The following TSPAN9 variants were observed in gnomAD, a reference collection of about 807,000 sequenced individuals.
TSPAN9 encodes the protein tetraspanin-9.
Under a neutral mutation model 31.0 loss-of-function variants are expected in TSPAN9, and 16 were observed. The observed-to-expected ratio is 0.52, with a 90% CI of 0.35 to 0.78. TSPAN9 has a LOEUF of 0.78. Ranked by LOEUF, TSPAN9 falls within the 30% of genes least tolerant of loss-of-function variation. The pLI, the probability that TSPAN9 is intolerant of heterozygous loss-of-function variation, is 0.01. For missense variants in TSPAN9, 272 were observed against 312.5 expected (o/e 0.87, Z 0.98); for synonymous variants, 145 against 121.6 (o/e 1.19, Z -1.27).
At chr12:3,188,772 ACTCCAGAGAGGGC>A (rs750779894) in intron 2 of TSPAN9, among the ~76,000 whole-genome samples, 1 of 151,952 alleles carries the variant, frequency 6.6e-6, no homozygotes, top group Non-Finnish European at 1.5e-5. Context: ...CTGGTGGGTG[ACTCCAGAGAGGGC>A]CTCCAGAGAG....
intron 2 of TSPAN9, among the ~76,000 whole-genome samples, chr12:3,186,576 G>GTA (rs1555149382): frequency 2.1e-5 from 3 of 146,254 alleles, no homozygotes; most frequent in African/African-American, 7.5e-5. Flanking sequence ...GTGTGTGTGT[G>GTA]TATACACACA....
At chr12:3,237,878 G>T (rs974689193) in intron 3 of TSPAN9, among the ~76,000 whole-genome samples, 13 of 152,172 alleles carry the variant, frequency 8.5e-5, no homozygotes, top group African/African-American at 3.1e-4. Flanking sequence ...CATTTCCCTG[G>T]TGTGAATTTT....
rs533080253 is a variant in TSPAN9 at position 3,105,915 on chromosome 12, T to A, written c.-18+22196T>A. Among the ~76,000 whole-genome samples the A allele has an allele frequency of 3.3e-5, 5 of 151,538 alleles. No individual in the cohort carries two copies. In the South Asian group the frequency reaches 1.0e-3, roughly 32 times the overall value. Reference sequence around the variant, plus strand: ...GGTCACGGGCACTCATGTTCTCAGGTGTGCTTGGTCCCATCCACACTCATC... The same window carrying A: ...GGTCACGGGCACTCATGTTCTCAGGAGTGCTTGGTCCCATCCACACTCATC... On this transcript the variant is annotated intron_variant, in intron 2 of 8. Coordinates refer to ENST00000011898, the MANE Select transcript of TSPAN9 (RefSeq NM_006675.5).
At chr12:3,196,215 T>C (rs980407263) in intron 2 of TSPAN9, among the ~76,000 whole-genome samples, 1 of 152,282 alleles carries the variant, frequency 6.6e-6, no homozygotes. Flanking sequence ...CCCCCTAAGA[T>C]AGGACTAGAT....
Position 3,172,215 on chromosome 12 carries a change from T to TCCC in TSPAN9, c.-17-28959_-17-28957dup, listed in dbSNP as rs976003101. 1 of 152,184 alleles carries TCCC rather than the reference T, an allele frequency of 6.6e-6. No homozygotes were observed. Among genetic ancestry groups the TCCC allele is most frequent in the East Asian group, 1.9e-4 (1 of 5,180 alleles). 9.4% of individuals were successfully genotyped at this position (152,184 alleles called of 1,614,324 possible). A position where few individuals can be genotyped will look rare whatever the true frequency, so the allele number is the denominator to read the frequency against. ...CAAAGCAGGATCCATCCGTCACCCT[T>TCCC]CCCCCGCCCCCACCCCAGCCTCAGC... On this transcript the variant is annotated intron_variant, in intron 2 of 8. Coordinates refer to ENST00000011898, the MANE Select transcript of TSPAN9 (RefSeq NM_006675.5). This position sits in a 1 kb window ranked among gnomAD's most constrained non-coding sequence, Gnocchi z 4.8.
chr12:3,136,844 G>A (rs1426970380), intron 2 of TSPAN9, among the ~76,000 whole-genome samples: 1 of 144,380 alleles, frequency 6.9e-6, no homozygotes, highest in Non-Finnish European at 1.5e-5. Context: ...AGGCAGGGGT[G>A]GGGGGCACAT....
Position 3,246,604 on chromosome 12 carries a change from C to G in TSPAN9, c.64-31817C>G, listed in dbSNP as rs1350110754. Among the ~76,000 whole-genome samples the G allele has an allele frequency of 2.0e-5, 3 of 152,186 alleles. No individual in the cohort carries two copies. The East Asian group carries it at 5.8e-4, about 29-fold the overall frequency. ...TCCCTCAGTGCCAGGGAACAGTAGCCCAATTGTTCCAAACCCGTGTTCTCT... is the reference window on the plus strand; with the variant it reads ...TCCCTCAGTGCCAGGGAACAGTAGCGCAATTGTTCCAAACCCGTGTTCTCT... On this transcript the variant is annotated intron_variant, in intron 3 of 8. Transcript: ENST00000011898.
rs374410086 is a variant in TSPAN9, at chr12:3,131,582, G to A, written c.-18+47863G>A. 4.5e-4 allele frequency among the ~76,000 whole-genome samples: 69 copies of A among 152,300 alleles called. No individual in the cohort carries two copies. In the South Asian group the frequency reaches 7.3e-3, roughly 16 times the overall value. On this transcript the variant is annotated intron_variant, in intron 2 of 8. Transcript: ENST00000011898. ...AGCTTCTGGCCTGACCGTGGCAGGT[G>A]TGCAGGGAATGCTGGCTGTGATGTG...
intron 3 of TSPAN9, among the ~76,000 whole-genome samples, chr12:3,203,193 C>T (rs1032027562): frequency 1.3e-5 from 2 of 152,052 alleles, no homozygotes; most frequent in African/African-American, 4.8e-5. Flanking sequence ...TAACTGCCTG[C>T]GGTGCCTTTC....
intron 3 of TSPAN9, among the ~76,000 whole-genome samples, chr12:3,232,091 T>C (rs1209309531): frequency 1.3e-5 from 2 of 152,330 alleles, no homozygotes; most frequent in East Asian, 1.9e-4. Flanking sequence ...ATTTTTCTTT[T>C]TGGTATGATT....
chr12:3,105,239 T>C (rs550548145), intron 2 of TSPAN9, among the ~76,000 whole-genome samples: 1 of 151,684 alleles, frequency 6.6e-6, no homozygotes, highest in Admixed American at 6.6e-5. Flanking sequence ...GATGGAGGAG[T>C]GCGGCAGATG....
intron 2 of TSPAN9, among the ~76,000 whole-genome samples, chr12:3,098,819 C>T (rs1010455243): frequency 4.0e-5 from 6 of 151,280 alleles, no homozygotes; most frequent in Non-Finnish European, 8.8e-5. Flanking sequence ...GGAGTGATCC[C>T]GCCTCTCTGC....
chr12:3,090,446 TCA>T (rs34983248), intron 2 of TSPAN9, among the ~76,000 whole-genome samples: 3,003 of 152,358 alleles, frequency 0.02, 230 homozygotes, highest in Admixed American at 0.14. Context: ...GGAAGCTTCA[TCA>T]TATATCCGGT....
chr12:3,109,276 G>GTA (rs1432890516), intron 2 of TSPAN9, among the ~76,000 whole-genome samples: 5 of 124,890 alleles, frequency 4.0e-5, no homozygotes, highest in Non-Finnish European at 8.0e-5. Flanking sequence ...GTCTGTGTGT[G>GTA]TGTGTGTGTG....
chr12:3,222,937 G>A (rs2098385287), intron 3 of TSPAN9, among the ~76,000 whole-genome samples: 2 of 148,164 alleles, frequency 1.3e-5, no homozygotes, highest in Admixed American at 1.3e-4. Context: ...GACCCGGGGA[G>A]CCATCACTGG....
chr12:3,183,606 C>G (rs1426044212), intron 2 of TSPAN9, among the ~76,000 whole-genome samples: 1 of 152,196 alleles, frequency 6.6e-6, no homozygotes, highest in Non-Finnish European at 1.5e-5. Context: ...CCCCACAGAG[C>G]ATTCACAGGG....
intron 2 of TSPAN9, among the ~76,000 whole-genome samples, chr12:3,191,911 T>C (rs2098364602): frequency 6.6e-6 from 1 of 152,194 alleles, no homozygotes; most frequent in African/African-American, 2.4e-5. Context: ...AAGGGGGCTT[T>C]AGTTTTGACA....
intron 2 of TSPAN9, among the ~76,000 whole-genome samples, chr12:3,165,449 C>T (rs899011787): frequency 3.3e-5 from 5 of 152,146 alleles, no homozygotes; most frequent in Non-Finnish European, 7.4e-5. Flanking sequence ...TGGAGATGAC[C>T]GCCAGGAAAT....
At chr12:3,127,474 G>C (rs1207902776) in intron 2 of TSPAN9, among the ~76,000 whole-genome samples, 1 of 151,802 alleles carries the variant, frequency 6.6e-6, no homozygotes, top group Non-Finnish European at 1.5e-5. Context: ...TCCTGCCTCA[G>C]CCTCCCGAGC....
Sources: allele counts gnomAD v4.1 joint callset (sites outside exome capture counted in the v4.1 genomes callset), GRCh38; gene constraint gnomAD v4.1.1; non-coding constraint Gnocchi (gnomAD v3.1); transcripts MANE v1.5; gene names NCBI Gene and HGNC (gene_info 2026-07-23, HGNC 2026-07-21).